Variants in ZNF736 observed in about 807,000 individuals in gnomAD.
ZNF736 encodes the protein KRAB-containing zinc-finger repressor protein.
ZNF736 carries 6 observed loss-of-function variants against 11.7 expected under a neutral mutation model. The observed-to-expected ratio is 0.51, with a 90% CI of 0.28 to 1.01. ZNF736 has a LOEUF of 1.01. ZNF736 is among the 50% of genes least tolerant of loss of function. ZNF736 has a pLI of 0.09. For synonymous variants in ZNF736, 139 were observed against 164.7 expected (o/e 0.84, Z 1.19); for missense variants, 444 against 496.0 (o/e 0.90, Z 1.00).
At chr7:64,324,017 C>T (rs1789043628) in intron 1 of ZNF736, among the ~76,000 whole-genome samples, 1 of 152,100 alleles carries the variant, frequency 6.6e-6, no homozygotes, top group African/African-American at 2.4e-5. Context: ...TTATATTCTG[C>T]TTTATTACTT....
At chr7:64,340,096 G>T (rs1789316541) in intron 3 of ZNF736, among the ~76,000 whole-genome samples, 1 of 152,160 alleles carries the variant, frequency 6.6e-6, no homozygotes, top group African/African-American at 2.4e-5. Context: ...GATCTGTAGG[G>T]CCAGCACTAG....
In ZNF736 at chr7:64,319,333, GTATATATATATATATATA is replaced by G. The variant is rs71060585; in HGVS notation, c.3+5210_3+5227del. Among the ~76,000 whole-genome samples the G allele has an allele frequency of 2.4e-3, 175 of 71,652 alleles. 7 individuals are homozygous for G. The East Asian group carries it at 0.043, about 17-fold the overall frequency. 47.0% of individuals were successfully genotyped at this position (71,652 alleles called of 152,430 possible). ...TATATGTATGTGTGTGTGTGTATGT[GTATATATATATATATATA>G]TATATATATATATATATATATATAT... On this transcript the variant is annotated intron_variant, in intron 1 of 3. Transcript: ENST00000423484.
intron 1 of ZNF736, among the ~76,000 whole-genome samples, chr7:64,317,344 A>C (rs913160700): frequency 6.6e-6 from 1 of 152,230 alleles, no homozygotes; most frequent in African/African-American, 2.4e-5. Context: ...TCACCAAGGC[A>C]AAAACATTTT....
At chr7:64,340,574 A>G (rs1789323220) in intron 3 of ZNF736, among the ~76,000 whole-genome samples, 1 of 152,154 alleles carries the variant, frequency 6.6e-6, no homozygotes, top group South Asian at 2.1e-4. Context: ...CAAAATTATT[A>G]TAAAGGTCTC....
Position 64,355,386 on chromosome 7 carries a change from T to TC in ZNF736, c.*6239_*6240insC. The TC allele has an allele frequency of 6.6e-6, 1 of 152,488 alleles. No individual in the cohort carries two copies. The allele number at this position is 152,488 out of a possible 1,614,324, so 9.4% of individuals were successfully genotyped here. Reference sequence around the variant, plus strand: ...GTAGATTTAATTCTAGATCTTTTTTTTTTTTTCTTTTTTTGAGATGGACTC... The same window carrying TC: ...GTAGATTTAATTCTAGATCTTTTTTTCTTTTTTCTTTTTTTGAGATGGACTC... On this transcript the variant is annotated 3_prime_UTR_variant, in exon 4 of 4. Transcript: ENST00000423484.
chr7:64,319,366 T>TATATATAC (rs1554303201), intron 1 of ZNF736, among the ~76,000 whole-genome samples: 18 of 133,250 alleles, frequency 1.4e-4, no homozygotes, highest in Admixed American at 3.7e-4. Flanking sequence ...TATATATATA[T>TATATATAC]ATATATATAT....
At position 64,349,077 on chromosome 7, in the gene ZNF736, C is replaced by G. The variant is rs1026486161; in HGVS notation, c.1214C>G (p.Ala405Gly). The change falls in exon 4 of 4, where the codon GCA becomes GGA. Residue 405 changes from alanine to glycine, a missense_variant. Ala to Gly is a moderately conservative substitution (Grantham distance 60). Coordinates refer to ENST00000423484, the MANE Select transcript of ZNF736 (RefSeq NM_001170905.3). The stretch of plus-strand genomic sequence containing the variant: ...TACAAATGTGAAGAATGTGGCAAAG[C>G]ATCGAGCTGGTTCTCACACCTCATC... ...KPYKCEECGK[A>G]SSWFSHLIRH... 8 of 1,602,828 alleles carry G rather than the reference C, an allele frequency of 5.0e-6. No individual in the cohort carries two copies. Among genetic ancestry groups the G allele is most frequent in the Non-Finnish European group, 6.8e-6 (8 of 1,174,128 alleles).
chr7:64,337,768 T>C (rs1279156839), intron 3 of ZNF736, among the ~76,000 whole-genome samples: 1 of 147,506 alleles, frequency 6.8e-6, no homozygotes, highest in Non-Finnish European at 1.5e-5. Context: ...TTTTTTTTTT[T>C]TTTGAGACAG....
chr7:64,349,714 T>C lies in ZNF736; in HGVS notation c.*567T>C, dbSNP rs1789460710. 6.6e-6 allele frequency: 1 copy of C among 152,276 alleles called. No homozygotes were observed. The highest frequency in any genetic ancestry group is 2.4e-5 in the African/African-American group (1 of 41,460). The allele number at this position is 152,276 out of a possible 1,614,324, so 9.4% of individuals were successfully genotyped here. ...GTGACTGGTAATAGTCTTTTTCTTA[T>C]TTAATGCTTTCTTCAGAAGCTCTTT... On this transcript the variant is annotated 3_prime_UTR_variant, in exon 4 of 4. Transcript: ENST00000423484.
At chr7:64,346,621 C>T (rs941129075) in intron 3 of ZNF736, among the ~76,000 whole-genome samples, 2 of 152,010 alleles carry the variant, frequency 1.3e-5, no homozygotes, top group African/African-American at 4.8e-5. Flanking sequence ...AGATTCTCTT[C>T]TTGTCTGCGA....
chr7:64,319,488 C>CTTT (rs1408764142), intron 1 of ZNF736, among the ~76,000 whole-genome samples: 2,899 of 75,216 alleles, frequency 0.039, 832 homozygotes, highest in Admixed American at 0.059. Flanking sequence ...ACATTTCTTC[C>CTTT]CTTTTTTTTT....
intron 1 of ZNF736, among the ~76,000 whole-genome samples, chr7:64,331,015 C>T (rs1019165926): frequency 6.6e-6 from 1 of 152,128 alleles, no homozygotes; most frequent in Non-Finnish European, 1.5e-5. Context: ...CTGCCTGTGC[C>T]TAGGGTAAGG....
Position 64,349,134 on chromosome 7 carries a change from TCCA to T in ZNF736, c.1273_1275del (p.His425del). On this transcript the variant is annotated inframe_deletion, in exon 4 of 4. Transcript: ENST00000423484. ...AAGAGAATTCATACTAGAGAGAAGC[TCCA>T]CAAGTGTTAAAAATGTGGAAAAGCC... 2.6e-6 allele frequency: 4 copies of T among 1,535,464 alleles called. No individual in the cohort carries two copies. The highest frequency in any genetic ancestry group is 3.5e-6 in the Non-Finnish European group (4 of 1,143,620).
At chr7:64,328,577 G>A (rs967724048) in intron 1 of ZNF736, among the ~76,000 whole-genome samples, 6 of 152,030 alleles carry the variant, frequency 3.9e-5, no homozygotes, top group Middle Eastern at 3.2e-3. Context: ...TGGCTAACAC[G>A]GTGAAACCCC....
chr7:64,326,088 A>C (rs1789078669), intron 1 of ZNF736, among the ~76,000 whole-genome samples: 1 of 152,056 alleles, frequency 6.6e-6, no homozygotes, highest in Admixed American at 6.5e-5. Flanking sequence ...TGGGTATCAC[A>C]TTGTGGTTTA....
chr7:64,344,540 A>G (rs967056984), intron 3 of ZNF736, among the ~76,000 whole-genome samples: 2 of 152,150 alleles, frequency 1.3e-5, no homozygotes, highest in African/African-American at 4.8e-5. Flanking sequence ...AAGTAGATTC[A>G]TACAGTATTT....
chr7:64,317,008 C>T (rs1307501541), intron 1 of ZNF736, among the ~76,000 whole-genome samples: 4 of 152,150 alleles, frequency 2.6e-5, no homozygotes, highest in South Asian at 2.1e-4. Context: ...TAGATTAACA[C>T]GTAAATTACA....
At chr7:64,314,471 G>T (rs1788883598) in intron 1 of ZNF736, among the ~76,000 whole-genome samples, 1 of 152,162 alleles carries the variant, frequency 6.6e-6, no homozygotes, top group Admixed American at 6.5e-5. Flanking sequence ...CATAAGACGG[G>T]AATTCTCATT....
intron 1 of ZNF736, among the ~76,000 whole-genome samples, chr7:64,329,377 A>G (rs757728487): frequency 2.0e-5 from 3 of 152,134 alleles, no homozygotes; most frequent in Admixed American, 2.0e-4. Flanking sequence ...GGGCTTTTTA[A>G]TACCTGTCTT....
Sources: allele counts gnomAD v4.1 joint callset (sites outside exome capture counted in the v4.1 genomes callset), GRCh38; gene constraint gnomAD v4.1.1; transcripts MANE v1.5; gene names NCBI Gene and HGNC (gene_info 2026-07-23, HGNC 2026-07-21).